CALCOCO2: variants seen among roughly 807,000 people sequenced by gnomAD.
The protein encoded by CALCOCO2 is calcium binding and coiled-coil domain 2, also known as calcium-binding and coiled-coil domain-containing protein 2.
CALCOCO2 carries 42 observed loss-of-function variants against 62.5 expected under a neutral mutation model. The observed-to-expected ratio is 0.67, with a 90% CI of 0.53 to 0.87. The LOEUF is 0.87. Among genes scored for constraint, CALCOCO2 ranks in the 40% least tolerant of loss-of-function variants. The pLI is 0.00. For missense variants in CALCOCO2, 456 were observed against 515.0 expected, an observed-to-expected ratio of 0.89 and a Z score of 1.11; for synonymous variants, 167 against 173.0, an observed-to-expected ratio of 0.97 and a Z score of 0.27.
intron 1 of CALCOCO2, among the ~76,000 whole-genome samples, chr17:48,839,864 G>A (rs927886052): frequency 2.4e-4 from 35 of 148,720 alleles, no homozygotes; most frequent in African/African-American, 7.4e-4. Context: ...TAGTAAAGAT[G>A]GGGTTTCTCC....
At chr17:48,848,798 C>T (rs765673493) in intron 4 of CALCOCO2, 1 of 499,136 alleles carries the variant, frequency 2.0e-6, no homozygotes, top group Admixed American at 2.3e-5. Context: ...TTATCTCTTT[C>T]AGTTCTGGCC....
chr17:48,847,539 T>C (rs2058465787), intron 2 of CALCOCO2, among the ~76,000 whole-genome samples: 1 of 152,198 alleles, frequency 6.6e-6, no homozygotes, highest in Non-Finnish European at 1.5e-5. Flanking sequence ...CAATTTTTGG[T>C]TGTATCAGAC....
chr17:48,862,229 A>C, intron 11 of CALCOCO2, 47 bp from the exon 12 acceptor site: 3 of 1,262,438 alleles, frequency 2.4e-6, no homozygotes, highest in Non-Finnish European at 3.5e-6. Flanking sequence ...TGGAGAAGCT[A>C]GGGATGGTAT....
intron 1 of CALCOCO2, among the ~76,000 whole-genome samples, chr17:48,832,090 C>A (rs1214730382): frequency 2.6e-5 from 4 of 152,166 alleles, no homozygotes; most frequent in Non-Finnish European, 4.4e-5. Flanking sequence ...ATCTGTGGCT[C>A]TTTAAAAATT....
At chr17:48,832,279 A>C (rs1464696537) in intron 1 of CALCOCO2, among the ~76,000 whole-genome samples, 1 of 152,228 alleles carries the variant, frequency 6.6e-6, no homozygotes, top group African/African-American at 2.4e-5. Flanking sequence ...CTGTAATCCC[A>C]GCTACTTGGG....
intron 4 of CALCOCO2, chr17:48,848,942 G>T: frequency 2.2e-6 from 1 of 448,508 alleles, no homozygotes; most frequent in Non-Finnish European, 4.3e-6. Flanking sequence ...ACTGTCCTTG[G>T]CCTCAAGGAG....
At position 48,861,682 on chromosome 17, in the gene CALCOCO2, CTGTGTGTG is replaced by C. The variant is rs10540361; in HGVS notation, c.1145-577_1145-570del. Among the ~76,000 whole-genome samples the C allele has an allele frequency of 2.9e-3, 387 of 131,842 alleles. 4 individuals are homozygous for C. The highest frequency in any genetic ancestry group is 0.011 in the African/African-American group (368 of 32,192). The allele number at this position is 131,842 out of a possible 152,430, so 86.5% of individuals were successfully genotyped here. ...GTGTGTATATATATATATATAAAGC[CTGTGTGTG>C]TGTGTGTGTGTGTGTGAAATGAAAA... On this transcript the variant is annotated intron_variant, in intron 11 of 12. Coordinates refer to ENST00000258947, the MANE Select transcript of CALCOCO2 (RefSeq NM_005831.5).
Position 48,854,557 on chromosome 17 carries a change from C to CA in CALCOCO2, c.913-1534dup, listed in dbSNP as rs1183880363. Among the ~76,000 whole-genome samples, 5 of 148,532 alleles carry CA rather than the reference C, an allele frequency of 3.4e-5. No homozygotes were observed. The Admixed American group carries it at 3.4e-4, about 10-fold the overall frequency. On this transcript the variant is annotated intron_variant, in intron 9 of 12. Transcript: ENST00000258947. Reference sequence around the variant, plus strand: ...AGTAGCTGGGATTACAGGCACCCGCCACGATGCCCGGCTAATTTTTGTATT... The same window carrying CA: ...AGTAGCTGGGATTACAGGCACCCGCCAACGATGCCCGGCTAATTTTTGTATT...
intron 4 of CALCOCO2, chr17:48,848,796 T>C (rs570378767): frequency 2.0e-6 from 1 of 500,452 alleles, no homozygotes. Flanking sequence ...TCTTATCTCT[T>C]TCAGTTCTGG....
intron 11 of CALCOCO2, among the ~76,000 whole-genome samples, chr17:48,861,696 G>A (rs1478647668): frequency 2.9e-5 from 4 of 139,520 alleles, no homozygotes; most frequent in African/African-American, 1.2e-4. Flanking sequence ...GTGTGTGTGT[G>A]TGTGTGTGTG....
intron 12 of CALCOCO2, 35 bp downstream of exon 12, chr17:48,862,339 G>A (rs2040341239): frequency 6.7e-6 from 10 of 1,498,604 alleles, no homozygotes; most frequent in Non-Finnish European, 9.3e-6. Flanking sequence ...TTCCCACAAA[G>A]CACTTGAAAA....
intron 2 of CALCOCO2, among the ~76,000 whole-genome samples, chr17:48,847,189 ACCCTGTTCT>A (rs1567753495): frequency 6.6e-6 from 1 of 152,112 alleles, no homozygotes; most frequent in Non-Finnish European, 1.5e-5. Flanking sequence ...TAATCTAAGA[ACCCTGTTCT>A]CCCTCTGCCC....
At chr17:48,858,432 T>G (rs920554600) in intron 10 of CALCOCO2, among the ~76,000 whole-genome samples, 2 of 151,960 alleles carry the variant, frequency 1.3e-5, no homozygotes, top group Admixed American at 6.6e-5. Flanking sequence ...CAGATTCAAG[T>G]GATTCTTGTG....
At chr17:48,842,894 C>A (rs2039995071) in intron 2 of CALCOCO2, among the ~76,000 whole-genome samples, 1 of 151,940 alleles carries the variant, frequency 6.6e-6, no homozygotes, top group Non-Finnish European at 1.5e-5. Context: ...CCGCCTCAGC[C>A]TCCCAAATTA....
chr17:48,851,929 C>T (rs2040137441), intron 7 of CALCOCO2, among the ~76,000 whole-genome samples: 4 of 151,768 alleles, frequency 2.6e-5, no homozygotes, highest in South Asian at 2.1e-4. Context: ...GTCAGGAGTT[C>T]GAGATCAGCC....
At chr17:48,862,470 G>A (rs1006001919) in intron 12 of CALCOCO2, among the ~76,000 whole-genome samples, 166 bp downstream of exon 12, 3 of 152,188 alleles carry the variant, frequency 2.0e-5, no homozygotes, top group Admixed American at 6.5e-5. Flanking sequence ...GTTGTGGAAG[G>A]GAGATGAAAG....
intron 9 of CALCOCO2, among the ~76,000 whole-genome samples, chr17:48,854,163 A>G (rs1361966215): frequency 1.3e-5 from 2 of 150,494 alleles, no homozygotes; most frequent in African/African-American, 2.4e-5. Context: ...GAAAAATACA[A>G]AAATTAGCCG....
At chr17:48,861,308 C>T (rs778986625) in intron 11 of CALCOCO2, among the ~76,000 whole-genome samples, 1 of 152,114 alleles carries the variant, frequency 6.6e-6, no homozygotes, top group Non-Finnish European at 1.5e-5. Context: ...CCTCCGCCTC[C>T]TGGGCTCACC....
chr17:48,847,191 C>G (rs986883509), intron 2 of CALCOCO2, among the ~76,000 whole-genome samples: 2 of 151,834 alleles, frequency 1.3e-5, no homozygotes, highest in Non-Finnish European at 1.5e-5. Context: ...ATCTAAGAAC[C>G]CTGTTCTCCC....
Sources: allele counts gnomAD v4.1 joint callset (sites outside exome capture counted in the v4.1 genomes callset), GRCh38; gene constraint gnomAD v4.1.1; transcripts MANE v1.5; gene names NCBI Gene and HGNC (gene_info 2026-07-23, HGNC 2026-07-21).